DPYS: variants seen among roughly 807,000 people sequenced by gnomAD.
DPYS encodes the protein dihydropyrimidine amidohydrolase.
In DPYS, 39 loss-of-function variants were observed where a neutral mutation model predicts 50.3. That is an observed-to-expected ratio of 0.78 (90% CI 0.60 to 1.01). The LOEUF is 1.01. Among genes scored for constraint, DPYS ranks in the 50% least tolerant of loss-of-function variants. The pLI is 0.00. For synonymous variants in DPYS, 245 were observed against 250.7 expected (o/e 0.98, Z 0.22); for missense variants, 659 against 680.9 (o/e 0.97, Z 0.36).
chr8:104,438,943 C>T (rs1045125697), intron 4 of DPYS, among the ~76,000 whole-genome samples: 3 of 152,036 alleles, frequency 2.0e-5, no homozygotes, highest in African/African-American at 4.8e-5. Flanking sequence ...GTGGTGCATG[C>T]CTATAGTCCC....
chr8:104,433,621 G>A (rs1445300029), intron 4 of DPYS, among the ~76,000 whole-genome samples: 7 of 152,056 alleles, frequency 4.6e-5, no homozygotes, highest in Non-Finnish European at 1.0e-4. Context: ...GCAACAGAAC[G>A]CGACTCTTTT....
intron 4 of DPYS, among the ~76,000 whole-genome samples, chr8:104,431,532 G>A (rs1035249921): frequency 2.6e-5 from 4 of 151,700 alleles, no homozygotes; most frequent in African/African-American, 9.7e-5. Flanking sequence ...ATTTTCAAAG[G>A]ACTAAAAAGC....
At chr8:104,403,162 C>T (rs1157170996) in intron 7 of DPYS, among the ~76,000 whole-genome samples, 1 of 152,154 alleles carries the variant, frequency 6.6e-6, no homozygotes, top group East Asian at 1.9e-4. Flanking sequence ...TGCTGACTTC[C>T]ATCTCTCCAG....
intron 7 of DPYS, among the ~76,000 whole-genome samples, chr8:104,399,605 C>A (rs1324818149): frequency 6.6e-6 from 1 of 151,856 alleles, no homozygotes; most frequent in African/African-American, 2.4e-5. Flanking sequence ...TGCGGTTGCT[C>A]ACGCCTGTAA....
At position 104,429,527 on chromosome 8, in the gene DPYS, C is replaced by T; in HGVS notation, c.950+18G>A. The T allele has an allele frequency of 6.2e-7, 1 of 1,613,920 alleles. No individual in the cohort carries two copies. Among genetic ancestry groups the T allele is most frequent in the Non-Finnish European group, 8.5e-7 (1 of 1,179,928 alleles). Reference sequence around the variant, plus strand: ...TTCTTTTGGCAATACACTTCCCAGTCATCTGCAAAATGATTACTTAGCCAA... The same window carrying T: ...TTCTTTTGGCAATACACTTCCCAGTTATCTGCAAAATGATTACTTAGCCAA... On this transcript the variant is annotated intron_variant, in intron 5 of 9. Coordinates refer to ENST00000351513, the MANE Select transcript of DPYS (RefSeq NM_001385.3).
chr8:104,382,684 A>C (rs746860274), intron 8 of DPYS, among the ~76,000 whole-genome samples: 2 of 152,140 alleles, frequency 1.3e-5, no homozygotes, highest in Non-Finnish European at 2.9e-5. Flanking sequence ...AATTAACGTA[A>C]GTATAATCCA....
chr8:104,404,961 AC>A (rs768402778), intron 7 of DPYS, among the ~76,000 whole-genome samples: 16 of 152,230 alleles, frequency 1.1e-4, no homozygotes, highest in Non-Finnish European at 2.2e-4. Flanking sequence ...ACAAAAAGCA[AC>A]AATAACAACA....
intron 2 of DPYS, among the ~76,000 whole-genome samples, chr8:104,449,758 G>T (rs576031649): frequency 6.6e-4 from 100 of 152,310 alleles, no homozygotes; most frequent in African/African-American, 2.3e-3. Flanking sequence ...GAATGCCAAA[G>T]GTTGTCAGCA....
rs531090369 is a variant in DPYS, at chr8:104,407,901, G to C, written c.1236-14910C>G. Among the ~76,000 whole-genome samples the C allele has an allele frequency of 2.0e-5, 3 of 152,090 alleles. No individual in the cohort carries two copies. In the South Asian group the frequency reaches 6.2e-4, roughly 32 times the overall value. On this transcript the variant is annotated intron_variant, in intron 7 of 9. Transcript: ENST00000351513. Reference sequence around the variant, plus strand: ...AGAATCTTAAGACCACAATTCCATAGCTCTAGCCCACGAACTATACACAAC... The same window carrying C: ...AGAATCTTAAGACCACAATTCCATACCTCTAGCCCACGAACTATACACAAC...
intron 6 of DPYS, among the ~76,000 whole-genome samples, chr8:104,427,129 A>T (rs1317144418): frequency 1.4e-5 from 2 of 142,144 alleles, no homozygotes; most frequent in East Asian, 2.4e-4. Flanking sequence ...TGAACCCAGG[A>T]GGTGGAGGTT....
At chr8:104,393,634 C>T (rs1292651923) in intron 7 of DPYS, among the ~76,000 whole-genome samples, 7 of 152,270 alleles carry the variant, frequency 4.6e-5, no homozygotes, top group African/African-American at 1.7e-4. Context: ...CATTTGTCAT[C>T]ATTCTCAGTA....
chr8:104,431,509 C>T lies in DPYS; in HGVS notation c.794-1808G>A, dbSNP rs1212137842. On this transcript the variant is annotated intron_variant, in intron 4 of 9. Coordinates refer to ENST00000351513, the MANE Select transcript of DPYS (RefSeq NM_001385.3). The stretch of plus-strand genomic sequence containing the variant: ...ACTGCATATTCTATTTCCTATTTCA[C>T]TATTTCTAAGGCATTTTCAAAGGAC... Among the ~76,000 whole-genome samples the T allele has an allele frequency of 3.3e-5, 5 of 151,616 alleles. No homozygotes were observed. In the East Asian group the frequency reaches 9.6e-4, roughly 29 times the overall value.
At chr8:104,441,914 G>C (rs2853174) in intron 4 of DPYS, among the ~76,000 whole-genome samples, 92,068 of 152,010 alleles carry the variant, frequency 0.61, 28,979 homozygotes, top group Non-Finnish European at 0.7. Flanking sequence ...AATGTGGGCT[G>C]ACCTTCAGAA....
chr8:104,440,438 C>A (rs553943605), intron 4 of DPYS, among the ~76,000 whole-genome samples: 1 of 152,134 alleles, frequency 6.6e-6, no homozygotes, highest in Non-Finnish European at 1.5e-5. Flanking sequence ...GTGGAGGCTG[C>A]ATTCTAGGGA....
chr8:104,465,561 G>A (rs1205544656), intron 1 of DPYS, among the ~76,000 whole-genome samples: 1 of 152,180 alleles, frequency 6.6e-6, no homozygotes, highest in African/African-American at 2.4e-5. Context: ...AAGCTGCTCT[G>A]TTAGTCTCTT....
chr8:104,416,607 C>T (rs564484054), intron 7 of DPYS, among the ~76,000 whole-genome samples: 8 of 151,984 alleles, frequency 5.3e-5, no homozygotes, highest in Non-Finnish European at 1.2e-4. Flanking sequence ...ATCTTTAGGC[C>T]GATCAACTGT....
At chr8:104,396,043 T>C (rs1310648665) in intron 7 of DPYS, among the ~76,000 whole-genome samples, 2 of 152,126 alleles carry the variant, frequency 1.3e-5, no homozygotes, top group Admixed American at 6.5e-5. Flanking sequence ...ATACTAAGTA[T>C]AGAATGAGTT....
At chr8:104,466,218 T>G (rs916396307) in intron 1 of DPYS, among the ~76,000 whole-genome samples, 1 of 152,032 alleles carries the variant, frequency 6.6e-6, no homozygotes, top group African/African-American at 2.4e-5. Flanking sequence ...GGATAAAGGA[T>G]GGGTCGAAAT....
At chr8:104,430,596 C>T (rs1812920509) in intron 4 of DPYS, among the ~76,000 whole-genome samples, 1 of 152,158 alleles carries the variant, frequency 6.6e-6, no homozygotes, top group African/African-American at 2.4e-5. Context: ...TGATATATAA[C>T]TGAAATTAAC....
Sources: allele counts gnomAD v4.1 joint callset (sites outside exome capture counted in the v4.1 genomes callset), GRCh38; gene constraint gnomAD v4.1.1; transcripts MANE v1.5; gene names NCBI Gene and HGNC (gene_info 2026-07-23, HGNC 2026-07-21).